The following CFAP61 variants were observed in gnomAD, a reference collection of about 807,000 sequenced individuals.
CFAP61 encodes cilia and flagella associated protein 61.
CFAP61 carries 107 observed loss-of-function variants against 135.6 expected under a neutral mutation model. The observed-to-expected ratio is 0.79, with a 90% CI of 0.67 to 0.93. The LOEUF (loss-of-function observed/expected upper bound fraction) is 0.93. CFAP61 is among the 40% of genes least tolerant of loss of function. The pLI is 0.00. For synonymous variants in CFAP61, 575 were observed against 578.5 expected, an observed-to-expected ratio of 0.99 and a Z score of 0.09; for missense variants, 1,507 against 1,556.2, an observed-to-expected ratio of 0.97 and a Z score of 0.53.
At chr20:20,324,775 T>C (rs1382172328) in intron 25 of CFAP61, among the ~76,000 whole-genome samples, 1 of 152,220 alleles carries the variant, frequency 6.6e-6, no homozygotes. Context: ...GTATCTCTCA[T>C]TGTACTTTCA....
At chr20:20,261,600 G>T (rs1569208594) in intron 20 of CFAP61, among the ~76,000 whole-genome samples, 1 of 152,116 alleles carries the variant, frequency 6.6e-6, no homozygotes, top group Non-Finnish European at 1.5e-5. Flanking sequence ...GGGAACCTCA[G>T]GTCACTATGC....
intron 8 of CFAP61, among the ~76,000 whole-genome samples, chr20:20,106,501 C>T (rs1235207789): frequency 6.6e-6 from 1 of 152,240 alleles, no homozygotes; most frequent in Non-Finnish European, 1.5e-5. Flanking sequence ...CAGCCTTGTT[C>T]TCCAACAGTC....
In CFAP61 at chr20:20,168,704, G is replaced by A. The variant is rs1033435767; in HGVS notation, c.1246-617G>A. Among the ~76,000 whole-genome samples the A allele has an allele frequency of 2.2e-4, 33 of 152,262 alleles. No homozygotes were observed. The Middle Eastern group carries it at 0.014, about 63-fold the overall frequency. On this transcript the variant is annotated intron_variant, in intron 12 of 26. Coordinates refer to ENST00000245957, the MANE Select transcript of CFAP61 (RefSeq NM_015585.4). ...CATTTCATTGTCTACTGTACTGACA[G>A]GGCAGGCCTAGAATAGAATGAATGG... is the stretch of plus-strand genomic sequence containing the variant.
intron 13 of CFAP61, chr20:20,184,431 C>T (rs2055351389): frequency 6.6e-6 from 1 of 152,028 alleles, no homozygotes; most frequent in African/African-American, 2.4e-5. Context: ...AGGAGACAAA[C>T]AGTGAAAAAC....
intron 25 of CFAP61, among the ~76,000 whole-genome samples, chr20:20,316,010 T>A (rs2057115682): frequency 6.6e-6 from 1 of 152,248 alleles, no homozygotes; most frequent in Non-Finnish European, 1.5e-5. Flanking sequence ...AGGATTGACT[T>A]GGCGATGCGG....
At chr20:20,058,579 A>C (rs2044551406) in intron 2 of CFAP61, among the ~76,000 whole-genome samples, 1 of 152,228 alleles carries the variant, frequency 6.6e-6, no homozygotes, top group Admixed American at 6.5e-5. Flanking sequence ...GATGAACAAG[A>C]TATAAACCCA....
At chr20:20,355,320 C>A (rs552943553) in intron 26 of CFAP61, among the ~76,000 whole-genome samples, 1 of 122,860 alleles carries the variant, frequency 8.1e-6, no homozygotes, top group Non-Finnish European at 1.6e-5. Context: ...GAGGTAGTGA[C>A]ACTATGAGCA....
intron 20 of CFAP61, among the ~76,000 whole-genome samples, chr20:20,254,180 C>CCTCCT (rs776747127): frequency 2.1e-5 from 1 of 47,370 alleles, no homozygotes; most frequent in African/African-American, 8.4e-5. Context: ...CCTCCCCTCC[C>CCTCCT]CTCCTCTCCT....
intron 25 of CFAP61, among the ~76,000 whole-genome samples, chr20:20,328,897 G>C (rs1005270412): frequency 1.3e-5 from 2 of 152,152 alleles, no homozygotes; most frequent in East Asian, 1.9e-4. Context: ...GCGTTGTCGG[G>C]GTGTGGAGGT....
chr20:20,354,483 A>T (rs1374327805), intron 26 of CFAP61, among the ~76,000 whole-genome samples: 1 of 143,710 alleles, frequency 7.0e-6, no homozygotes, highest in African/African-American at 2.6e-5. Flanking sequence ...AGTCTGGGTG[A>T]CAGAGAGAGA....
chr20:20,222,872 CGA>C (rs2048492704), intron 17 of CFAP61, among the ~76,000 whole-genome samples: 2 of 152,002 alleles, frequency 1.3e-5, no homozygotes, highest in Non-Finnish European at 2.9e-5. Flanking sequence ...ATTGGGAAAA[CGA>C]GAGTTTCTCA....
chr20:20,076,170 G>A (rs148007028), intron 6 of CFAP61, among the ~76,000 whole-genome samples: 13 of 152,250 alleles, frequency 8.5e-5, no homozygotes, highest in East Asian at 7.7e-4. Flanking sequence ...AGCCTTGGGC[G>A]CTCCGTCCTC....
chr20:20,058,703 T>A (rs62200278), intron 2 of CFAP61, among the ~76,000 whole-genome samples: 8,366 of 152,206 alleles, frequency 0.055, 275 homozygotes, highest in East Asian at 0.11. Flanking sequence ...TGTTAATTAT[T>A]TATGTGGTCC....
intron 8 of CFAP61, among the ~76,000 whole-genome samples, chr20:20,136,897 C>G (rs890113414): frequency 2.6e-5 from 4 of 152,118 alleles, no homozygotes; most frequent in African/African-American, 7.2e-5. Context: ...GAAGGCTTTC[C>G]AGGTATTCAA....
At chr20:20,266,218 T>G (rs902550096) in intron 21 of CFAP61, among the ~76,000 whole-genome samples, 2 of 152,246 alleles carry the variant, frequency 1.3e-5, no homozygotes, top group African/African-American at 4.8e-5. Flanking sequence ...CCTCTATTTC[T>G]TAACTGAGAC....
intron 2 of CFAP61, among the ~76,000 whole-genome samples, chr20:20,059,096 C>T (rs893939400): frequency 6.6e-6 from 1 of 151,834 alleles, no homozygotes; most frequent in Non-Finnish European, 1.5e-5. Context: ...TTTGGGAGGC[C>T]GAGGCAGGAG....
At chr20:20,083,698 G>A (rs373086295) in intron 6 of CFAP61, among the ~76,000 whole-genome samples, 3 of 152,104 alleles carry the variant, frequency 2.0e-5, no homozygotes, top group African/African-American at 7.2e-5. Flanking sequence ...TCCAAAAGAA[G>A]GGATAGGGCA....
chr20:20,185,214 A>C (rs941686574), intron 13 of CFAP61, among the ~76,000 whole-genome samples: 1 of 152,238 alleles, frequency 6.6e-6, no homozygotes, highest in Non-Finnish European at 1.5e-5. Flanking sequence ...GGCCATACAC[A>C]TAAAAGAGGT....
chr20:20,228,236 A>G lies in CFAP61; in HGVS notation c.1933-13A>G. On this transcript the variant is annotated splice_polypyrimidine_tract_variant and intron_variant, in intron 17 of 26. Transcript: ENST00000245957. ...TCTTTGACTCCTTCTTTGTCTTCGTATTTTTTTTCCAGATGAGTTATGCTT... is the reference window on the plus strand; with the variant it reads ...TCTTTGACTCCTTCTTTGTCTTCGTGTTTTTTTTCCAGATGAGTTATGCTT... 1 of 1,585,718 alleles carries G rather than the reference A, an allele frequency of 6.3e-7. No individual in the cohort carries two copies.
Sources: gnomAD v4.1 joint callset for allele counts (sites outside exome capture counted in the v4.1 genomes callset) on GRCh38, gnomAD v4.1.1 for gene constraint, MANE v1.5 for transcripts, NCBI Gene and HGNC (gene_info 2026-07-23, HGNC 2026-07-21) for gene names.